The following AP4S1 variants were observed in gnomAD, a reference collection of about 807,000 sequenced individuals.
AP4S1 encodes adaptor related protein complex 4 subunit sigma 1, also known as AP-4 complex subunit sigma-1.
A neutral mutation model predicts 19.8 loss-of-function variants in AP4S1; 23 were observed. The observed-to-expected ratio is 1.16, with a 90% CI of 0.84 to 1.65. AP4S1 has a LOEUF of 1.65. AP4S1 is among the 40% of genes most tolerant of loss of function. The probability of loss-of-function intolerance (pLI) is 0.00; values close to 1 mark genes in which losing one functional copy is unlikely to be tolerated. For synonymous variants in AP4S1, 46 were observed against 54.1 expected, an observed-to-expected ratio of 0.85 and a Z score of 0.66; for missense variants, 166 against 172.8, an observed-to-expected ratio of 0.96 and a Z score of 0.22.
At chr14:31,039,301 T>A (rs1884960047) in intron 1 of AP4S1, among the ~76,000 whole-genome samples, 3 of 151,952 alleles carry the variant, frequency 2.0e-5, no homozygotes, top group Admixed American at 2.0e-4. Context: ...TTCTCCTGCC[T>A]CAGCCTCCCA....
chr14:31,088,979 T>G (rs1323455618), intron 5 of AP4S1, among the ~76,000 whole-genome samples: 1 of 151,766 alleles, frequency 6.6e-6, no homozygotes, highest in East Asian at 1.9e-4. Context: ...CTGGGCAAGA[T>G]AGTGAAACCC....
Position 31,069,858 on chromosome 14 carries a change from T to C in AP4S1, c.154T>C (p.Tyr52His), listed in dbSNP as rs150801272. 4.2e-4 allele frequency: 685 copies of C among 1,612,614 alleles called. 4 individuals carry two copies. The highest frequency in any genetic ancestry group is 4.8e-5 in the Non-Finnish European group (56 of 1,178,750). ...TTTTGTCTAGTGCTCTTTCATTGAA[T>C]ATAAGGATTTTAAGCTGATATATCG... ...RSNEQCSFIE[Y>H]KDFKLIYRQY... The change falls in exon 3 of 6, where the codon TAT becomes CAT. Residue 52 changes from tyrosine to histidine, a missense_variant. By Grantham distance (83) the Tyr-to-His change is moderately conservative (BLOSUM62 2). Coordinates refer to ENST00000542754, the MANE Select transcript of AP4S1 (RefSeq NM_001128126.3).
intron 5 of AP4S1, among the ~76,000 whole-genome samples, chr14:31,087,438 C>T (rs1204150718): frequency 6.6e-6 from 1 of 152,142 alleles, no homozygotes; most frequent in Non-Finnish European, 1.5e-5. Flanking sequence ...CTCATTGCAA[C>T]CTCTGTCTCC....
At chr14:31,058,973 G>A (rs1178804703) in intron 1 of AP4S1, among the ~76,000 whole-genome samples, 1 of 152,030 alleles carries the variant, frequency 6.6e-6, no homozygotes, top group East Asian at 1.9e-4. Context: ...CCTTCTTACT[G>A]TCCTACCTCA....
chr14:31,090,575 A>T (rs1439470354), intron 5 of AP4S1, among the ~76,000 whole-genome samples: 1 of 152,222 alleles, frequency 6.6e-6, no homozygotes, highest in African/African-American at 2.4e-5. Flanking sequence ...AGCCATTCTG[A>T]GCTCACTACA....
intron 1 of AP4S1, among the ~76,000 whole-genome samples, chr14:31,037,809 C>T (rs762847880): frequency 3.9e-5 from 6 of 152,084 alleles, no homozygotes; most frequent in Non-Finnish European, 8.8e-5. Context: ...AAAAAATTAG[C>T]CAGGTGGGCT....
At chr14:31,082,593 G>C (rs1034592286) in intron 5 of AP4S1, among the ~76,000 whole-genome samples, 1 of 152,184 alleles carries the variant, frequency 6.6e-6, no homozygotes, top group African/African-American at 2.4e-5. Context: ...TAAAATGAGA[G>C]AATTAAGACT....
At chr14:31,046,591 A>T (rs1212376973) in intron 1 of AP4S1, among the ~76,000 whole-genome samples, 5 of 152,150 alleles carry the variant, frequency 3.3e-5, no homozygotes, top group African/African-American at 9.7e-5. Flanking sequence ...CACGCCTGTT[A>T]TCCCAGCACT....
At chr14:31,026,015 C>A (rs1883872677) in intron 1 of AP4S1, 22 of 1,546,018 alleles carry the variant, frequency 1.4e-5, no homozygotes, top group Non-Finnish European at 1.9e-5. Context: ...GCGGCCGGGA[C>A]AGCTCGGGGC....
At chr14:31,044,129 A>G (rs189654381) in intron 1 of AP4S1, among the ~76,000 whole-genome samples, 1 of 152,318 alleles carries the variant, frequency 6.6e-6, no homozygotes, top group Admixed American at 6.5e-5. Context: ...AAAAAGTAAC[A>G]TATCTCTTAA....
At chr14:31,043,667 G>A (rs1488578185) in intron 1 of AP4S1, among the ~76,000 whole-genome samples, 2 of 152,160 alleles carry the variant, frequency 1.3e-5, no homozygotes, top group Non-Finnish European at 2.9e-5. Flanking sequence ...AATCATCGTA[G>A]AATTCAAGTA....
At position 31,051,274 on chromosome 14, in the gene AP4S1, C is replaced by A. The variant is rs552373294; in HGVS notation, c.-71-14852C>A. On this transcript the variant is annotated intron_variant, in intron 1 of 5. Transcript: ENST00000542754. ...GTGTCTCAAAAAAAAAAAAAAAATA[C>A]GGTGTAGATATGCTGGACAAAGGGG... 2.7e-5 allele frequency among the ~76,000 whole-genome samples: 4 copies of A among 150,784 alleles called. No individual in the cohort carries two copies. In the East Asian group the frequency reaches 7.8e-4, roughly 29 times the overall value.
chr14:31,030,132 T>C (rs1414837017), intron 1 of AP4S1, among the ~76,000 whole-genome samples: 2 of 152,128 alleles, frequency 1.3e-5, no homozygotes, highest in African/African-American at 4.8e-5. Context: ...ACCACAGGCA[T>C]GTGCCACCAT....
intron 1 of AP4S1, chr14:31,026,179 C>T: frequency 6.8e-7 from 1 of 1,472,322 alleles, no homozygotes; most frequent in Non-Finnish European, 8.9e-7. Flanking sequence ...CCGGCAAGCT[C>T]GTCCATTGTG....
At chr14:31,084,287 C>G (rs568508956) in intron 5 of AP4S1, among the ~76,000 whole-genome samples, 1 of 152,186 alleles carries the variant, frequency 6.6e-6, no homozygotes, top group East Asian at 1.9e-4. Flanking sequence ...CTGTCTTTTT[C>G]TCCAGAGGCT....
chr14:31,086,955 C>A (rs930609949), intron 5 of AP4S1, among the ~76,000 whole-genome samples: 1 of 151,926 alleles, frequency 6.6e-6, no homozygotes, highest in Non-Finnish European at 1.5e-5. Context: ...AACTCCTGGG[C>A]TCAAGCAATC....
chr14:31,050,802 C>T (rs118020371), intron 1 of AP4S1, among the ~76,000 whole-genome samples: 277 of 152,218 alleles, frequency 1.8e-3, no homozygotes, highest in East Asian at 0.017. Context: ...TTTTCTATTC[C>T]GGGCTCCCCT....
At chr14:31,033,508 G>A (rs544180420) in intron 1 of AP4S1, among the ~76,000 whole-genome samples, 1 of 152,274 alleles carries the variant, frequency 6.6e-6, no homozygotes, top group South Asian at 2.1e-4. Flanking sequence ...CACTCCGCCC[G>A]CCACAGTGTT....
chr14:31,082,219 T>C (rs970944636), intron 5 of AP4S1, among the ~76,000 whole-genome samples: 2 of 152,194 alleles, frequency 1.3e-5, no homozygotes, highest in Admixed American at 1.3e-4. Context: ...ATGATCCCTG[T>C]GACCTAGAAG....
Sources: gnomAD v4.1 joint callset for allele counts (sites outside exome capture counted in the v4.1 genomes callset) on GRCh38, gnomAD v4.1.1 for gene constraint, MANE v1.5 for transcripts, NCBI Gene and HGNC (gene_info 2026-07-23, HGNC 2026-07-21) for gene names.